The following ADAR variants were observed in gnomAD, a reference collection of about 807,000 sequenced individuals.
ADAR encodes double-stranded RNA-specific adenosine deaminase.
ADAR carries 41 observed loss-of-function variants against 113.2 expected under a neutral mutation model. That is an observed-to-expected ratio of 0.36 (90% CI 0.28 to 0.47). ADAR has a LOEUF of 0.47. Among genes scored for constraint, ADAR ranks in the 20% least tolerant of loss-of-function variants. ADAR has a pLI of 1.00. For missense variants in ADAR, 1,242 were observed against 1,540.9 expected (o/e 0.81, Z 3.25); for synonymous variants, 605 against 572.6 (o/e 1.06, Z -0.81).
rs1336384868 is a variant in ADAR at position 154,589,735 on chromosome 1, C to A, written c.2668+22G>T. On this transcript the variant is annotated intron_variant, in intron 8 of 14. Coordinates refer to ENST00000368474, the MANE Select transcript of ADAR (RefSeq NM_001111.5). ...CGCTTTCAGGCGCCATGGGAGGCGG[C>A]ATGTCTCAGAGCCTCACTCACCTGT... 5 of 1,613,948 alleles carry A rather than the reference C, an allele frequency of 3.1e-6. No homozygotes were observed. In the African/African-American group the frequency reaches 6.7e-5, roughly 22 times the overall value.
intron 6 of ADAR, among the ~76,000 whole-genome samples, chr1:154,594,945 C>A (rs1318621601): frequency 6.6e-6 from 1 of 152,206 alleles, no homozygotes; most frequent in Non-Finnish European, 1.5e-5. Context: ...ACTCAAGAAA[C>A]TGGTATAGTC....
intron 1 of ADAR, among the ~76,000 whole-genome samples, chr1:154,607,268 C>T (rs1178395769): frequency 3.9e-5 from 6 of 152,158 alleles, no homozygotes; most frequent in African/African-American, 1.2e-4. Flanking sequence ...GCGAGTCACC[C>T]GTGTTGTTAC....
intron 12 of ADAR, 151 bp downstream of exon 12, chr1:154,586,030 C>T: frequency 8.2e-7 from 1 of 1,216,970 alleles, no homozygotes; most frequent in East Asian, 2.5e-5. Flanking sequence ...GATCTTCCTA[C>T]CACAGCAGAC....
intron 1 of ADAR, among the ~76,000 whole-genome samples, chr1:154,603,465 T>C (rs1319121603): frequency 1.3e-5 from 2 of 152,166 alleles, no homozygotes; most frequent in Admixed American, 6.5e-5. Context: ...TGTGTGGAGC[T>C]GGCAGCATCT....
intron 1 of ADAR, among the ~76,000 whole-genome samples, chr1:154,622,186 G>A (rs1050664464): frequency 6.6e-6 from 1 of 152,030 alleles, no homozygotes; most frequent in African/African-American, 2.4e-5. Context: ...CATATCCTGC[G>A]GCAGAGCGTG....
intron 1 of ADAR, among the ~76,000 whole-genome samples, chr1:154,622,825 A>G (rs1258799514): frequency 6.6e-6 from 1 of 152,234 alleles, no homozygotes; most frequent in African/African-American, 2.4e-5. Context: ...TTCATTTAAT[A>G]AACATTTACT....
rs139708690 is a variant in ADAR, at chr1:154,588,222, C to T, written c.2922G>A (p.Lys974=). The change falls in exon 11 of 15, where the codon AAG becomes AAA. Residue 974 remains lysine (K), a synonymous_variant. Coordinates refer to ENST00000368474, the MANE Select transcript of ADAR (RefSeq NM_001111.5). ...APCGDGALFD[K]SCSDRAMEST... is the part of the protein sequence containing the mutation. ...TTTCCATAGCACGGTCGCTGCAGGA[C>T]TTGTCAAAGAGGGCGCCATCTCCAC... 5.6e-6 allele frequency: 9 copies of T among 1,613,964 alleles called. No homozygotes were observed. Among genetic ancestry groups the T allele is most frequent in the African/African-American group, 4.0e-5 (3 of 74,906 alleles).
intron 1 of ADAR, among the ~76,000 whole-genome samples, chr1:154,606,855 C>T (rs1450338508): frequency 6.6e-6 from 1 of 151,858 alleles, no homozygotes; most frequent in Non-Finnish European, 1.5e-5. Context: ...CACACAGGTT[C>T]CACAGTGCAA....
intron 1 of ADAR, among the ~76,000 whole-genome samples, chr1:154,613,337 T>A (rs1272849876): frequency 2.2e-5 from 3 of 136,326 alleles, no homozygotes; most frequent in Non-Finnish European, 3.1e-5. Context: ...CAGGCTGGAG[T>A]GCAGTGGCAT....
At chr1:154,588,376 A>C in intron 10 of ADAR, 118 bp from the exon 11 acceptor site, 1 of 1,533,694 alleles carries the variant, frequency 6.5e-7, no homozygotes, top group South Asian at 1.1e-5. Flanking sequence ...ACCATGGGAG[A>C]CTGGAGGTGG....
intron 1 of ADAR, among the ~76,000 whole-genome samples, chr1:154,626,268 T>C (rs1016057373): frequency 6.6e-6 from 1 of 151,746 alleles, no homozygotes; most frequent in Non-Finnish European, 1.5e-5. Flanking sequence ...ATGTGCACCA[T>C]CATGCTGGTC....
intron 1 of ADAR, among the ~76,000 whole-genome samples, chr1:154,615,777 T>C (rs1698618655): frequency 1.3e-5 from 2 of 152,242 alleles, no homozygotes; most frequent in Non-Finnish European, 2.9e-5. Flanking sequence ...TTAGAGCTTT[T>C]AGTTTTATCT....
upstream of ADAR, among the ~76,000 whole-genome samples, chr1:154,610,405 G>A (rs1296356484): frequency 6.6e-6 from 1 of 152,156 alleles, no homozygotes; most frequent in Non-Finnish European, 1.5e-5. Context: ...CAACAAGGTA[G>A]CTAATTATCT....
At chr1:154,620,005 A>G (rs1698744840) in intron 1 of ADAR, among the ~76,000 whole-genome samples, 1 of 152,234 alleles carries the variant, frequency 6.6e-6, no homozygotes, top group Admixed American at 6.5e-5. Context: ...GGATGGGGGA[A>G]AAGAGGAGTT....
intron 1 of ADAR, among the ~76,000 whole-genome samples, chr1:154,602,848 G>A (rs954205550): frequency 2.0e-5 from 3 of 152,184 alleles, no homozygotes; most frequent in Non-Finnish European, 4.4e-5. Context: ...AAAGCACGCA[G>A]AACTTCCAGG....
Position 154,601,698 on chromosome 1 carries a change from G to A in ADAR, c.944C>T (p.Ala315Val), listed in dbSNP as rs761347223. 4 of 1,614,182 alleles carry A rather than the reference G, an allele frequency of 2.5e-6. No individual in the cohort carries two copies. Among genetic ancestry groups the A allele is most frequent in the Non-Finnish European group, 3.4e-6 (4 of 1,180,038 alleles). ...DYLFNVSDSS[A>V]LNLAKNIGLT... ...GCCAATATTTTTAGCCAAATTCAGG[G>A]CAGAGGAGTCAGACACATTGAAGAG... Residue 315 changes from alanine (A) to valine (V), a missense_variant, in exon 2 of 15, where the codon GCC becomes GTC. Physicochemically the swap from Ala to Val is moderately conservative, Grantham distance 64 (BLOSUM62 0). Coordinates refer to ENST00000368474, the MANE Select transcript of ADAR (RefSeq NM_001111.5). The surrounding 1 kb of genome is among the most constrained non-coding windows in gnomAD (Gnocchi z 4.7).
In ADAR at chr1:154,598,385, G is replaced by A. The variant is rs1371830845; in HGVS notation, c.1785+17C>T. ...TGACAGGGAACTGATCCTCCCAGAT[G>A]GCAGGAGGACACCTACCTTCTCTGA... is the stretch of plus-strand genomic sequence containing the variant. On this transcript the variant is annotated intron_variant, in intron 3 of 14. Transcript: ENST00000368474. The A allele has an allele frequency of 3.7e-6, 6 of 1,612,434 alleles. No homozygotes were observed. The African/African-American group carries it at 6.7e-5, about 18-fold the overall frequency.
intron 1 of ADAR, among the ~76,000 whole-genome samples, chr1:154,603,508 C>A (rs1474248427): frequency 1.3e-5 from 2 of 152,152 alleles, no homozygotes; most frequent in Admixed American, 1.3e-4. Flanking sequence ...TCCTACCTTC[C>A]CTAGCTACTT....
intron 13 of ADAR, 26 bp downstream of exon 13, chr1:154,585,727 G>C (rs752580205): frequency 5.1e-6 from 8 of 1,579,566 alleles, no homozygotes; most frequent in Admixed American, 1.7e-5. Flanking sequence ...GAAAATGTCA[G>C]GGAAAATAGA....
Sources: gnomAD v4.1 joint callset for allele counts (sites outside exome capture counted in the v4.1 genomes callset) on GRCh38, gnomAD v4.1.1 for gene constraint, Gnocchi (gnomAD v3.1) non-coding constraint, MANE v1.5 for transcripts, NCBI Gene and HGNC (gene_info 2026-07-23, HGNC 2026-07-21) for gene names.